The following PCSK2 variants were observed in gnomAD, a reference collection of about 807,000 sequenced individuals.
PCSK2 encodes the protein proprotein convertase subtilisin/kexin type 2.
A neutral mutation model predicts 69.7 loss-of-function variants in PCSK2; 14 were observed. That is an observed-to-expected ratio of 0.20 (90% CI 0.13 to 0.31). The LOEUF (loss-of-function observed/expected upper bound fraction) is 0.31, where lower values mean the gene tolerates loss of function less well. Among genes scored for constraint, PCSK2 ranks in the 10% least tolerant of loss-of-function variants. The pLI is 1.00. For synonymous variants in PCSK2, 307 were observed against 320.7 expected, an observed-to-expected ratio of 0.96 and a Z score of 0.46; for missense variants, 544 against 842.5, an observed-to-expected ratio of 0.65 and a Z score of 4.39.
At chr20:17,462,636 G>T (rs1054260452) in intron 10 of PCSK2, among the ~76,000 whole-genome samples, 1 of 152,172 alleles carries the variant, frequency 6.6e-6, no homozygotes, top group East Asian at 1.9e-4. Context: ...AGGGACATCC[G>T]TCTGACATGC....
chr20:17,243,492 C>T (rs1200335121), intron 1 of PCSK2, among the ~76,000 whole-genome samples: 2 of 152,180 alleles, frequency 1.3e-5, no homozygotes, highest in African/African-American at 4.8e-5. Flanking sequence ...CCATACCTGG[C>T]CTTGTTTGGA....
At chr20:17,287,654 C>G (rs1374747814) in intron 2 of PCSK2, among the ~76,000 whole-genome samples, 2 of 152,192 alleles carry the variant, frequency 1.3e-5, no homozygotes, top group Non-Finnish European at 2.9e-5. Flanking sequence ...TCCAAGAACC[C>G]TGGTGCTTCA....
rs541512420 is a variant in PCSK2 at position 17,419,945 on chromosome 20, A to G, written c.621-9490A>G. 2.6e-5 allele frequency among the ~76,000 whole-genome samples: 4 copies of G among 152,286 alleles called. No individual in the cohort carries two copies. The South Asian group carries it at 8.3e-4, about 32-fold the overall frequency. ...AGTGAGAGATTCTAGGTTAGATGCAATTCTTGGCTGCAGAAAGTTTACTAT... is the reference window on the plus strand; with the variant it reads ...AGTGAGAGATTCTAGGTTAGATGCAGTTCTTGGCTGCAGAAAGTTTACTAT... On this transcript the variant is annotated intron_variant, in intron 6 of 11. Transcript: ENST00000262545.
intron 1 of PCSK2, among the ~76,000 whole-genome samples, chr20:17,257,573 ATAGT>A (rs767698869): frequency 7.2e-5 from 11 of 152,224 alleles, no homozygotes; most frequent in Non-Finnish European, 1.2e-4. Flanking sequence ...GGTTAACTTA[ATAGT>A]TAGCCAATGA....
chr20:17,233,053 T>A (rs1600394826), intron 1 of PCSK2, among the ~76,000 whole-genome samples: 1 of 152,192 alleles, frequency 6.6e-6, no homozygotes, highest in East Asian at 1.9e-4. Context: ...TGATGATGTA[T>A]AATCGATTCC....
intron 11 of PCSK2, among the ~76,000 whole-genome samples, chr20:17,477,975 CATA>C (rs1295113825): frequency 1.3e-5 from 2 of 152,174 alleles, no homozygotes; most frequent in Admixed American, 6.5e-5. Context: ...TTGAACCCCA[CATA>C]ATAAGTCTTC....
At chr20:17,394,273 C>A (rs2031456919) in intron 5 of PCSK2, among the ~76,000 whole-genome samples, 1 of 152,180 alleles carries the variant, frequency 6.6e-6, no homozygotes, top group Admixed American at 6.5e-5. Context: ...TTAGACAATT[C>A]TTGAAATTTG....
chr20:17,262,826 G>C (rs1417502845), intron 2 of PCSK2, among the ~76,000 whole-genome samples: 1 of 152,244 alleles, frequency 6.6e-6, no homozygotes, highest in Non-Finnish European at 1.5e-5. Context: ...GTCTTACATA[G>C]ATGTGGCAAG....
chr20:17,258,761 A>AGTGTGTGTGTGT (rs11467589), intron 1 of PCSK2, among the ~76,000 whole-genome samples: 176 of 145,108 alleles, frequency 1.2e-3, no homozygotes, highest in Middle Eastern at 3.5e-3. Context: ...CATAATATGT[A>AGTGTGTGTGTGT]GTGTGTGTGT....
intron 6 of PCSK2, among the ~76,000 whole-genome samples, chr20:17,417,505 T>C (rs778054494): frequency 2.0e-5 from 3 of 152,202 alleles, no homozygotes; most frequent in Non-Finnish European, 4.4e-5. Context: ...CACTATGGCT[T>C]GTTATTACAA....
At chr20:17,481,478 C>CA (rs1568668716) in intron 11 of PCSK2, 106 bp from the exon 12 acceptor site, 3 of 881,168 alleles carry the variant, frequency 3.4e-6, no homozygotes, top group Admixed American at 2.3e-5. Flanking sequence ...TCTGATTGAT[C>CA]AACCCCAAAG....
At chr20:17,293,363 C>A (rs1007070800) in intron 2 of PCSK2, among the ~76,000 whole-genome samples, 12 of 152,188 alleles carry the variant, frequency 7.9e-5, no homozygotes, top group African/African-American at 2.7e-4. Flanking sequence ...AACCTCCAGA[C>A]TAATGAATAA....
intron 2 of PCSK2, among the ~76,000 whole-genome samples, chr20:17,319,074 C>G (rs1989783157): frequency 6.6e-6 from 1 of 152,072 alleles, no homozygotes; most frequent in Non-Finnish European, 1.5e-5. Context: ...CATTAGTGAG[C>G]CATTAAATAA....
At chr20:17,379,241 T>C (rs1352222728) in intron 5 of PCSK2, among the ~76,000 whole-genome samples, 1 of 152,134 alleles carries the variant, frequency 6.6e-6, no homozygotes, top group Non-Finnish European at 1.5e-5. Context: ...AAATGGGCAG[T>C]CATCCACACT....
At chr20:17,283,651 G>C (rs146683579) in intron 2 of PCSK2, among the ~76,000 whole-genome samples, 59 of 152,324 alleles carry the variant, frequency 3.9e-4, no homozygotes, top group African/African-American at 1.4e-3. Context: ...TATGGCCACT[G>C]TATGAGTTCA....
intron 2 of PCSK2, among the ~76,000 whole-genome samples, chr20:17,343,879 G>A (rs1990577987): frequency 6.6e-6 from 1 of 152,200 alleles, no homozygotes; most frequent in Non-Finnish European, 1.5e-5. Flanking sequence ...AGAGCCTCTA[G>A]AAGGAGCACA....
chr20:17,465,561 G>A lies in PCSK2; in HGVS notation c.1430+8G>A. 1 of 1,539,088 alleles carries A rather than the reference G, an allele frequency of 6.5e-7. No homozygotes were observed. The highest frequency in any genetic ancestry group is 8.8e-7 in the Non-Finnish European group (1 of 1,132,882). ...CTCCGTGCAGGACCCTGAGTAAGTGGGGGTAGTGGTCCCTCTGCTGCATGT... is the reference window on the plus strand; with the variant it reads ...CTCCGTGCAGGACCCTGAGTAAGTGAGGGTAGTGGTCCCTCTGCTGCATGT... On this transcript the variant is annotated splice_region_variant and intron_variant, in intron 11 of 11. Coordinates refer to ENST00000262545, the MANE Select transcript of PCSK2 (RefSeq NM_002594.5).
At chr20:17,346,211 G>A (rs760534648) in intron 2 of PCSK2, among the ~76,000 whole-genome samples, 1 of 152,164 alleles carries the variant, frequency 6.6e-6, no homozygotes, top group African/African-American at 2.4e-5. Flanking sequence ...CTGTATTCCT[G>A]GGTGGTGCTG....
chr20:17,249,259 C>G lies in PCSK2; in HGVS notation c.178-10981C>G, dbSNP rs1048921959. Among the ~76,000 whole-genome samples the G allele has an allele frequency of 3.3e-5, 5 of 152,142 alleles. No individual in the cohort carries two copies. The East Asian group carries it at 9.6e-4, about 29-fold the overall frequency. On this transcript the variant is annotated intron_variant, in intron 1 of 11. Transcript: ENST00000262545. ...CGGTGGCTCACGCCTGTAATCCCAG[C>G]ACTTTGGGAGGCTGAGGCGGGCGGA...
Sources: allele counts gnomAD v4.1 joint callset (sites outside exome capture counted in the v4.1 genomes callset), GRCh38; gene constraint gnomAD v4.1.1; transcripts MANE v1.5; gene names NCBI Gene and HGNC (gene_info 2026-07-23, HGNC 2026-07-21).